Variants in GRID2 observed in about 807,000 individuals in gnomAD.
GRID2 encodes glutamate receptor ionotropic, delta-2.
Under a neutral mutation model 114.8 loss-of-function variants are expected in GRID2, and 33 were observed. That is an observed-to-expected ratio of 0.29 (90% CI 0.22 to 0.38). The LOEUF (loss-of-function observed/expected upper bound fraction) is 0.38, where lower values mean the gene tolerates loss of function less well. GRID2 is among the 10% of genes least tolerant of loss of function. GRID2 has a pLI of 1.00. For missense variants in GRID2, 1,184 were observed against 1,257.7 expected, an observed-to-expected ratio of 0.94 and a Z score of 0.89; for synonymous variants, 505 against 449.9, an observed-to-expected ratio of 1.12 and a Z score of -1.55.
chr4:92,605,720 T>C (rs1446693237), intron 2 of GRID2, among the ~76,000 whole-genome samples: 2 of 152,102 alleles, frequency 1.3e-5, no homozygotes, highest in East Asian at 3.9e-4. Context: ...AGGAACTATA[T>C]GTTCTTGTGG....
chr4:93,638,303 T>TAATGATA (rs1418487360), intron 14 of GRID2, among the ~76,000 whole-genome samples: 2 of 82,122 alleles, frequency 2.4e-5, no homozygotes, highest in South Asian at 3.0e-4. Context: ...ACTTGCATCT[T>TAATGATA]TTTTTTTTTT....
chr4:92,568,836 T>C (rs1727475125), intron 1 of GRID2, among the ~76,000 whole-genome samples: 1 of 152,088 alleles, frequency 6.6e-6, no homozygotes, highest in African/African-American at 2.4e-5. Context: ...TGGTTTTCTG[T>C]TCCTGCATTA....
At chr4:92,715,620 G>A (rs986123754) in intron 2 of GRID2, among the ~76,000 whole-genome samples, 4 of 152,176 alleles carry the variant, frequency 2.6e-5, no homozygotes, top group Non-Finnish European at 5.9e-5. Flanking sequence ...GAAGATGAAA[G>A]GTACATCTCA....
chr4:92,391,165 T>C (rs1192046072), intron 1 of GRID2, among the ~76,000 whole-genome samples: 3 of 152,186 alleles, frequency 2.0e-5, no homozygotes, highest in African/African-American at 7.2e-5. Flanking sequence ...GATTGATTAA[T>C]CTATCAATCT....
chr4:92,451,052 T>A (rs1179467277), intron 1 of GRID2, among the ~76,000 whole-genome samples: 2 of 152,084 alleles, frequency 1.3e-5, no homozygotes, highest in Non-Finnish European at 2.9e-5. Flanking sequence ...TTCAATGCAA[T>A]GCACTTTTGC....
At chr4:93,654,271 A>C (rs1198232146) in intron 14 of GRID2, among the ~76,000 whole-genome samples, 1 of 152,186 alleles carries the variant, frequency 6.6e-6, no homozygotes, top group Non-Finnish European at 1.5e-5. Context: ...GCACAAAGAG[A>C]AATGATAAAA....
rs150593715 is a variant in GRID2 at position 93,388,103 on chromosome 4, C to A, written c.1246-7504C>A. On this transcript the variant is annotated intron_variant, in intron 8 of 15. Coordinates refer to ENST00000282020, the MANE Select transcript of GRID2 (RefSeq NM_001510.4). ...ACAATATTACTGTAAAAGAGAGGAA[C>A]ATGATTCTATATTACAGTGATATGA... Among the ~76,000 whole-genome samples the A allele has an allele frequency of 3.1e-3, 464 of 152,062 alleles. 3 individuals carry two copies. Among genetic ancestry groups the A allele is most frequent in the Admixed American group, 0.025 (374 of 15,254 alleles).
chr4:92,439,348 G>A (rs574327587), intron 1 of GRID2, among the ~76,000 whole-genome samples: 28 of 152,218 alleles, frequency 1.8e-4, no homozygotes, highest in African/African-American at 4.1e-4. Flanking sequence ...CCATCTGGGC[G>A]TATATGTGCA....
chr4:93,362,971 G>A (rs140050756), intron 8 of GRID2, among the ~76,000 whole-genome samples: 1 of 152,270 alleles, frequency 6.6e-6, no homozygotes, highest in African/African-American at 2.4e-5. Context: ...TGTGATCCCA[G>A]CACTTTGACA....
intron 2 of GRID2, among the ~76,000 whole-genome samples, chr4:92,646,550 T>G (rs1731637666): frequency 6.6e-6 from 1 of 152,238 alleles, no homozygotes; most frequent in Non-Finnish European, 1.5e-5. Flanking sequence ...GTTTTAGCTT[T>G]TATAGCCTTA....
intron 2 of GRID2, among the ~76,000 whole-genome samples, chr4:92,611,106 ATGTGTGTGTATGTGTG>A (rs1300143692): frequency 1.5e-5 from 2 of 135,722 alleles, no homozygotes; most frequent in Admixed American, 7.4e-5. Flanking sequence ...GTGTGTGTAT[ATGTGTGTGTATGTGTG>A]TGTGTGTGCA....
intron 1 of GRID2, among the ~76,000 whole-genome samples, chr4:92,579,438 A>T (rs1196246443): frequency 3.3e-5 from 5 of 151,972 alleles, no homozygotes; most frequent in Non-Finnish European, 7.4e-5. Context: ...TTAAGAACAC[A>T]GTTTGAAGGC....
At position 92,820,358 on chromosome 4, in the gene GRID2, C is replaced by A. The variant is rs189897559; in HGVS notation, c.244+230072C>A. Among the ~76,000 whole-genome samples the A allele has an allele frequency of 3.6e-3, 543 of 152,186 alleles. 2 individuals are homozygous for A. Among genetic ancestry groups the A allele is most frequent in the African/African-American group, 0.013 (526 of 41,548 alleles). On this transcript the variant is annotated intron_variant, in intron 2 of 15. Transcript: ENST00000282020. ...AGTAGATCTTAGGGATTCTAAAGGGCACTCTAATGCCTTTAGATTTAAGCT... is the reference window on the plus strand; with the variant it reads ...AGTAGATCTTAGGGATTCTAAAGGGAACTCTAATGCCTTTAGATTTAAGCT...
chr4:93,398,219 A>G (rs1010800257), intron 9 of GRID2, among the ~76,000 whole-genome samples: 140 of 150,050 alleles, frequency 9.3e-4, no homozygotes, highest in Non-Finnish European at 2.5e-4. Context: ...TAACTCTGCT[A>G]CTTACTATCT....
chr4:93,044,750 A>G (rs1005097908), intron 2 of GRID2, among the ~76,000 whole-genome samples: 4 of 152,182 alleles, frequency 2.6e-5, no homozygotes, highest in Non-Finnish European at 5.9e-5. Flanking sequence ...CATGTAGATG[A>G]TAACCTCATG....
At chr4:93,691,971 T>C (rs1726604101) in intron 14 of GRID2, among the ~76,000 whole-genome samples, 1 of 152,052 alleles carries the variant, frequency 6.6e-6, no homozygotes, top group African/African-American at 2.4e-5. Flanking sequence ...TATTCATTCA[T>C]TCAACAAATA....
chr4:93,668,298 C>T (rs1724116102), intron 14 of GRID2, among the ~76,000 whole-genome samples: 1 of 151,934 alleles, frequency 6.6e-6, no homozygotes, highest in Admixed American at 6.6e-5. Flanking sequence ...TGAGAGATTA[C>T]TGAAATGTAT....
rs534822404 is a variant in GRID2, at chr4:93,767,150, A to T, written c.2361-2060A>T. Among the ~76,000 whole-genome samples the T allele has an allele frequency of 2.3e-4, 35 of 152,350 alleles. No homozygotes were observed. The South Asian group carries it at 6.6e-3, about 29-fold the overall frequency. On this transcript the variant is annotated intron_variant, in intron 14 of 15. Coordinates refer to ENST00000282020, the MANE Select transcript of GRID2 (RefSeq NM_001510.4). ...AAATGAGAGAAGGGGAATGAAGGTC[A>T]TAAGTTTGGGAAATGCTGAGTTAAA... is the stretch of plus-strand genomic sequence containing the variant.
intron 2 of GRID2, among the ~76,000 whole-genome samples, chr4:93,064,880 A>G (rs1728148339): frequency 6.6e-6 from 1 of 151,866 alleles, no homozygotes; most frequent in Non-Finnish European, 1.5e-5. Context: ...AATTTCTATA[A>G]TGAATTGATT....
Sources: allele counts gnomAD v4.1 joint callset (sites outside exome capture counted in the v4.1 genomes callset), GRCh38; gene constraint gnomAD v4.1.1; transcripts MANE v1.5; gene names NCBI Gene and HGNC (gene_info 2026-07-23, HGNC 2026-07-21).